Variants in XIRP2 observed in about 807,000 individuals in gnomAD.
The protein encoded by XIRP2 is xin actin-binding repeat-containing protein 2.
In XIRP2, 236 loss-of-function variants were observed where a neutral mutation model predicts 277.0. The ratio of observed to expected loss-of-function variants is 0.85; its 90% CI spans 0.77 to 0.95. The LOEUF (loss-of-function observed/expected upper bound fraction) is 0.95, where lower values mean the gene tolerates loss of function less well. Among genes scored for constraint, XIRP2 ranks in the 40% least tolerant of loss-of-function variants. The pLI is 0.00. For synonymous variants in XIRP2, 1,490 were observed against 1,416.5 expected, an observed-to-expected ratio of 1.05 and a Z score of -1.17; for missense variants, 4,640 against 4,157.5, an observed-to-expected ratio of 1.12 and a Z score of -3.19.
chr2:167,257,936 T>C lies in XIRP2; in HGVS notation c.*119T>C, dbSNP rs1695707411. ...ACAACTTTTCAAATCCAAAGGAAAT[T>C]ATGATGAAGGTTTTGGACATAAGCA... On this transcript the variant is annotated 3_prime_UTR_variant, in exon 11 of 11. Transcript: ENST00000409195. 6.2e-7 allele frequency: 1 copy of C among 1,612,478 alleles called. No individual in the cohort carries two copies. Among genetic ancestry groups the C allele is most frequent in the Non-Finnish European group, 8.5e-7 (1 of 1,179,280 alleles).
chr2:166,965,964 G>C (rs977173847), intron 2 of XIRP2, among the ~76,000 whole-genome samples: 3 of 151,630 alleles, frequency 2.0e-5, no homozygotes, highest in Non-Finnish European at 4.4e-5. Context: ...ACATAAAATA[G>C]ATAAAATAAA....
intron 2 of XIRP2, among the ~76,000 whole-genome samples, chr2:166,907,342 T>C (rs1204000324): frequency 6.6e-6 from 1 of 152,204 alleles, no homozygotes; most frequent in East Asian, 1.9e-4. Flanking sequence ...AAATACCTTG[T>C]TATTATGTAA....
rs1695441334 is a variant in XIRP2, at chr2:167,250,298, A to T, written c.8906A>T (p.Asn2969Ile). The change falls in exon 9 of 11, where the codon AAT becomes ATT. Residue 2969 changes from asparagine (N) to isoleucine (I), a missense_variant. Coordinates refer to ENST00000409195, the MANE Select transcript of XIRP2 (RefSeq NM_152381.6). The stretch of plus-strand genomic sequence containing the variant: ...GTGAAACAGTTTGAAGCAGAGCCAA[A>T]TAAAAGTGGCCTTAAAACATTTCAG... The part of the protein sequence containing the change: ...SRVKQFEAEP[N>I]KSGLKTFQTL... 6.2e-7 allele frequency: 1 copy of T among 1,613,106 alleles called. No individual in the cohort carries two copies. The highest frequency in any genetic ancestry group is 2.2e-5 in the East Asian group (1 of 44,816).
At chr2:167,034,922 G>A (rs908828104) in intron 2 of XIRP2, among the ~76,000 whole-genome samples, 2 of 152,162 alleles carry the variant, frequency 1.3e-5, no homozygotes, top group African/African-American at 4.8e-5. Flanking sequence ...TTCAATCATA[G>A]GAGCCAGTCT....
intron 2 of XIRP2, among the ~76,000 whole-genome samples, chr2:166,915,299 C>CAAAA (rs993808427): frequency 3.7e-4 from 15 of 40,102 alleles, no homozygotes; most frequent in African/African-American, 5.6e-4. Context: ...GACTCCGTCT[C>CAAAA]AAAAAAAAAA....
chr2:167,122,501 G>A (rs193079132), intron 2 of XIRP2, among the ~76,000 whole-genome samples: 2 of 152,276 alleles, frequency 1.3e-5, no homozygotes, highest in East Asian at 1.9e-4. Context: ...TGGTGACGTC[G>A]TTTCCAGCAC....
At chr2:166,897,165 T>C (rs781080561) in intron 1 of XIRP2, among the ~76,000 whole-genome samples, 8 of 152,198 alleles carry the variant, frequency 5.3e-5, no homozygotes, top group Non-Finnish European at 1.0e-4. Flanking sequence ...TCAAAGCATT[T>C]AATAAGGGTG....
At chr2:166,922,467 T>C (rs1167973176) in intron 2 of XIRP2, among the ~76,000 whole-genome samples, 2 of 152,088 alleles carry the variant, frequency 1.3e-5, no homozygotes, top group African/African-American at 4.8e-5. Context: ...GACTCTCCAG[T>C]ATTGAGGTCC....
chr2:167,006,253 C>A (rs554698319), intron 2 of XIRP2, among the ~76,000 whole-genome samples: 3 of 151,598 alleles, frequency 2.0e-5, no homozygotes, highest in East Asian at 3.9e-4. Context: ...TTGAAGCTAC[C>A]AAGGATTTTT....
intron 2 of XIRP2, among the ~76,000 whole-genome samples, chr2:166,908,242 G>A (rs925519470): frequency 2.0e-5 from 3 of 152,130 alleles, no homozygotes; most frequent in African/African-American, 7.2e-5. Context: ...CAGTGTAAAA[G>A]TGTTCCTATT....
chr2:167,129,824 C>T (rs1431739920), intron 2 of XIRP2, among the ~76,000 whole-genome samples: 1 of 148,828 alleles, frequency 6.7e-6, no homozygotes, highest in Admixed American at 6.7e-5. Flanking sequence ...GAGCTGAGAT[C>T]GCGCCATTGC....
rs927302450 is a variant in XIRP2, at chr2:167,245,800, G to C, written c.4408G>C (p.Glu1470Gln). ...TMDELRGEGL[E>Q]YENIKTVTQE... ...GGATGAACTGAGAGGAGAAGGGTTA[G>C]AATATGAAAATATCAAGACAGTCAC... The change falls in exon 9 of 11, where the codon GAA (glutamate) becomes CAA (glutamine). Residue 1470 changes from glutamate (E) to glutamine (Q), a missense_variant. Glu to Gln is a conservative substitution (Grantham distance 29). Transcript: ENST00000409195. 4.3e-6 allele frequency: 7 copies of C among 1,613,636 alleles called. No homozygotes were observed. In the Admixed American group the frequency reaches 5.0e-5, roughly 12 times the overall value.
Position 167,005,769 on chromosome 2 carries a change from A to T in XIRP2, c.408+101879A>T, listed in dbSNP as rs561706656. On this transcript the variant is annotated intron_variant, in intron 2 of 10. Transcript: ENST00000409195. ...GTACTGGCCAAGTTTTAAATATAGC[A>T]TGTAGAATCTCTTTATTGATAAAAA... Among the ~76,000 whole-genome samples, 16 of 144,676 alleles carry T rather than the reference A, an allele frequency of 1.1e-4. No individual in the cohort carries two copies. In the South Asian group the frequency reaches 3.7e-3, roughly 33 times the overall value. The allele number at this position is 144,676 out of a possible 152,430, so 94.9% of individuals were successfully genotyped here. A position where few individuals can be genotyped will look rare whatever the true frequency, so the allele number is the denominator to read the frequency against.
intron 3 of XIRP2, among the ~76,000 whole-genome samples, chr2:167,178,738 T>G (rs1692925112): frequency 6.6e-6 from 1 of 152,152 alleles, no homozygotes; most frequent in Non-Finnish European, 1.5e-5. Context: ...CCACTCAAAT[T>G]AAACTTTTTG....
chr2:167,090,060 T>G (rs986547112), intron 2 of XIRP2, among the ~76,000 whole-genome samples: 7 of 152,262 alleles, frequency 4.6e-5, no homozygotes, highest in Non-Finnish European at 1.0e-4. Flanking sequence ...AAATGCCAAC[T>G]CAGTGAAGAG....
chr2:167,239,758 A>T (rs1002189246), intron 5 of XIRP2, 97 bp from the exon 6 acceptor site: 36 of 1,032,748 alleles, frequency 3.5e-5, no homozygotes, highest in African/African-American at 1.4e-4. Flanking sequence ...AAAGAATCTC[A>T]TTTTTTTTCA....
intron 2 of XIRP2, among the ~76,000 whole-genome samples, chr2:166,909,075 G>A (rs1407373259): frequency 2.0e-5 from 3 of 152,078 alleles, no homozygotes; most frequent in Admixed American, 1.3e-4. Flanking sequence ...TGTTCTTTTG[G>A]CTTAGGATTG....
intron 2 of XIRP2, among the ~76,000 whole-genome samples, chr2:167,007,549 C>G (rs1013518432): frequency 1.3e-5 from 2 of 151,530 alleles, no homozygotes; most frequent in African/African-American, 2.4e-5. Context: ...AACTGTATCA[C>G]CCTGGTGTGG....
intron 2 of XIRP2, among the ~76,000 whole-genome samples, chr2:167,020,748 A>G (rs375543378): frequency 1.3e-5 from 2 of 152,128 alleles, no homozygotes; most frequent in African/African-American, 4.8e-5. Flanking sequence ...AAATGAAAGA[A>G]ATTTTTCTAT....
Sources: gnomAD v4.1 joint callset for allele counts (sites outside exome capture counted in the v4.1 genomes callset) on GRCh38, gnomAD v4.1.1 for gene constraint, MANE v1.5 for transcripts, NCBI Gene and HGNC (gene_info 2026-07-23, HGNC 2026-07-21) for gene names.